The following FRAS1 variants were observed in gnomAD, a reference collection of about 807,000 sequenced individuals.
The protein encoded by FRAS1 is Fraser extracellular matrix complex subunit 1, also known as extracellular matrix organizing protein FRAS1.
Under a neutral mutation model 435.2 loss-of-function variants are expected in FRAS1, and 290 were observed. The ratio of observed to expected loss-of-function variants is 0.67; its 90% CI spans 0.61 to 0.73. The LOEUF (loss-of-function observed/expected upper bound fraction) is 0.73. FRAS1 is among the 30% of genes least tolerant of loss of function. The pLI is 0.00. For missense variants in FRAS1, 4,860 were observed against 5,001.5 expected (o/e 0.97, Z 0.85); for synonymous variants, 1,800 against 1,851.0 (o/e 0.97, Z 0.71).
At chr4:78,096,221 G>A (rs182335834) in intron 2 of FRAS1, among the ~76,000 whole-genome samples, 13 of 152,272 alleles carry the variant, frequency 8.5e-5, no homozygotes, top group East Asian at 5.8e-4. Context: ...CTTGCATCCC[G>A]GTCACACTGA....
chr4:78,172,979 CA>C (rs1721620902), intron 2 of FRAS1, among the ~76,000 whole-genome samples: 1 of 151,430 alleles, frequency 6.6e-6, no homozygotes, highest in African/African-American at 2.4e-5. Flanking sequence ...GTATTTTATC[CA>C]TGACACCCAA....
At position 78,066,018 on chromosome 4, in the gene FRAS1, T is replaced by G. The variant is rs1013401600; in HGVS notation, c.108+2T>G. On this transcript the variant is annotated splice_donor_variant, in intron 2 of 73. Coordinates refer to ENST00000512123, the MANE Select transcript of FRAS1 (RefSeq NM_025074.7). LOFTEE classifies it high-confidence loss of function. ...GTCTATCAGGATTCCTTGTTGGCGG[T>G]AGGTCATTCTTTACATACTTGGTTT... is the stretch of plus-strand genomic sequence containing the variant. 6.2e-7 allele frequency: 1 copy of G among 1,602,514 alleles called. No homozygotes were observed. Among genetic ancestry groups the G allele is most frequent in the Admixed American group, 1.7e-5 (1 of 59,796 alleles).
At chr4:78,139,406 C>T (rs947363447) in intron 2 of FRAS1, among the ~76,000 whole-genome samples, 2 of 152,182 alleles carry the variant, frequency 1.3e-5, no homozygotes, top group Non-Finnish European at 2.9e-5. Flanking sequence ...TTTGGGCTTT[C>T]CCTCCTACAA....
chr4:78,240,808 A>G (rs1367618135), intron 3 of FRAS1, among the ~76,000 whole-genome samples: 4 of 152,208 alleles, frequency 2.6e-5, no homozygotes, highest in Non-Finnish European at 5.9e-5. Context: ...GGAGGTGAGC[A>G]TAAGAGAAAG....
chr4:78,302,144 G>T (rs1420699843), intron 14 of FRAS1, among the ~76,000 whole-genome samples: 1 of 150,306 alleles, frequency 6.7e-6, no homozygotes, highest in Non-Finnish European at 1.5e-5. Flanking sequence ...TGAGAATGAT[G>T]ATTTCCAATT....
chr4:78,426,120 C>T (rs759935019), intron 35 of FRAS1, among the ~76,000 whole-genome samples: 1 of 152,158 alleles, frequency 6.6e-6, no homozygotes, highest in Non-Finnish European at 1.5e-5. Context: ...CTCAGATTTC[C>T]ACAGCAGGTA....
intron 4 of FRAS1, among the ~76,000 whole-genome samples, chr4:78,250,026 A>G (rs1328411541): frequency 6.6e-6 from 1 of 152,126 alleles, no homozygotes; most frequent in Non-Finnish European, 1.5e-5. Flanking sequence ...TACTTTAAAT[A>G]TATGTAGTCA....
chr4:78,511,840 A>G (rs1721053679), intron 64 of FRAS1, among the ~76,000 whole-genome samples: 2 of 152,060 alleles, frequency 1.3e-5, no homozygotes, highest in Non-Finnish European at 2.9e-5. Flanking sequence ...CCGGAACCCT[A>G]CTGTCCTACA....
At chr4:78,433,071 C>T (rs1385652749) in intron 38 of FRAS1, among the ~76,000 whole-genome samples, 3 of 152,188 alleles carry the variant, frequency 2.0e-5, no homozygotes, top group Admixed American at 1.3e-4. Context: ...ATCCCTGCAG[C>T]AGTGCCTCTC....
chr4:78,253,670 T>C (rs568755499), intron 5 of FRAS1, among the ~76,000 whole-genome samples: 1 of 152,240 alleles, frequency 6.6e-6, no homozygotes, highest in South Asian at 2.1e-4. Context: ...CACCTTGCAC[T>C]TGGAAGGGCG....
intron 2 of FRAS1, among the ~76,000 whole-genome samples, chr4:78,197,940 C>A (rs1722885116): frequency 1.4e-5 from 2 of 144,708 alleles, no homozygotes; most frequent in African/African-American, 2.5e-5. Flanking sequence ...GACTCCCTCT[C>A]AAAAAAAAAA....
At chr4:78,530,230 G>A (rs998286078) in intron 70 of FRAS1, among the ~76,000 whole-genome samples, 3 of 151,952 alleles carry the variant, frequency 2.0e-5, no homozygotes, top group African/African-American at 4.8e-5. Context: ...AGAGAGGAAC[G>A]ACGGTTTGAA....
chr4:78,509,129 A>G (rs1302269004), intron 63 of FRAS1, 123 bp downstream of exon 63: 1 of 1,075,116 alleles, frequency 9.3e-7, no homozygotes, highest in Non-Finnish European at 1.4e-6. Flanking sequence ...ACAAATAAGC[A>G]GGTGCACAGT....
chr4:78,315,299 C>T (rs767681666), intron 15 of FRAS1, among the ~76,000 whole-genome samples: 16 of 152,184 alleles, frequency 1.1e-4, no homozygotes, highest in Admixed American at 2.0e-4. Context: ...GGCAACCGCA[C>T]CTCTAAGGCC....
chr4:78,465,506 C>A (rs1719500108), intron 49 of FRAS1, among the ~76,000 whole-genome samples: 1 of 152,212 alleles, frequency 6.6e-6, no homozygotes. Context: ...GCAAGCTATG[C>A]AGTTATCTGG....
intron 2 of FRAS1, among the ~76,000 whole-genome samples, chr4:78,177,157 G>A (rs13133150): frequency 0.49 from 73,350 of 149,984 alleles, 20,699 homozygotes; most frequent in East Asian, 0.68. Flanking sequence ...GCGCTATCTC[G>A]GCTCACTGCA....
chr4:78,277,965 C>G (rs1305183158), intron 9 of FRAS1, among the ~76,000 whole-genome samples: 2 of 152,078 alleles, frequency 1.3e-5, no homozygotes, highest in East Asian at 1.9e-4. Context: ...GCACCCTCCA[C>G]TGCCCCCAGC....
chr4:78,250,887 A>C (rs1247881815), intron 4 of FRAS1, among the ~76,000 whole-genome samples: 1 of 152,202 alleles, frequency 6.6e-6, no homozygotes, highest in Non-Finnish European at 1.5e-5. Flanking sequence ...ACATTTGAAC[A>C]TTCTGTAAGT....
chr4:78,456,138 C>CTTTTTTTTTTTT (rs753676442), intron 47 of FRAS1, among the ~76,000 whole-genome samples: 1 of 51,486 alleles, frequency 1.9e-5, no homozygotes, highest in African/African-American at 8.2e-5. Flanking sequence ...ACACATGTCA[C>CTTTTTTTTTTTT]TTTTTTTTTT....
Sources: gnomAD v4.1 joint callset for allele counts (sites outside exome capture counted in the v4.1 genomes callset) on GRCh38, gnomAD v4.1.1 for gene constraint, MANE v1.5 for transcripts, NCBI Gene and HGNC (gene_info 2026-07-23, HGNC 2026-07-21) for gene names.